The following SLC45A4 variants were observed in gnomAD, a reference collection of about 807,000 sequenced individuals.
SLC45A4 encodes the protein polyamine-transporter SLC45A4.
In SLC45A4, 32 loss-of-function variants were observed where a neutral mutation model predicts 63.7. That is an observed-to-expected ratio of 0.50 (90% CI 0.38 to 0.67). The LOEUF (loss-of-function observed/expected upper bound fraction) is 0.67, where lower values mean the gene tolerates loss of function less well. Ranked by LOEUF, SLC45A4 falls within the 30% of genes least tolerant of loss-of-function variation. SLC45A4 has a pLI of 0.00. For missense variants in SLC45A4, 1,027 were observed against 1,157.7 expected, an observed-to-expected ratio of 0.89 and a Z score of 1.64; for synonymous variants, 535 against 510.0, an observed-to-expected ratio of 1.05 and a Z score of -0.66.
At chr8:141,263,031 G>C (rs1829101044) in intron 1 of SLC45A4, among the ~76,000 whole-genome samples, 1 of 151,758 alleles carries the variant, frequency 6.6e-6, no homozygotes, top group Admixed American at 6.6e-5. Flanking sequence ...ATACTATGCA[G>C]CCATAAAAAA....
At position 141,215,286 on chromosome 8, in the gene SLC45A4, T is replaced by C. The variant is rs566517503; in HGVS notation, c.1941+473A>G. 3.3e-5 allele frequency among the ~76,000 whole-genome samples: 5 copies of C among 152,328 alleles called. No homozygotes were observed. Among genetic ancestry groups the C allele is most frequent in the African/African-American group, 9.6e-5 (4 of 41,574 alleles). On this transcript the variant is annotated intron_variant, in intron 7 of 8. Coordinates refer to ENST00000517878, the MANE Select transcript of SLC45A4 (RefSeq NM_001286646.2). This position sits in a 1 kb window ranked among gnomAD's most constrained non-coding sequence, Gnocchi z 4.3. Reference sequence around the variant, plus strand: ...AGGTATCTCGATGACTTTTTTCATATAGAGTACATGCTGAAATAATGTTTT... The same window carrying C: ...AGGTATCTCGATGACTTTTTTCATACAGAGTACATGCTGAAATAATGTTTT...
At position 141,211,552 on chromosome 8, in the gene SLC45A4, A is replaced by G; in HGVS notation, c.*20T>C. 6.2e-7 allele frequency: 1 copy of G among 1,613,426 alleles called. No individual in the cohort carries two copies. Among genetic ancestry groups the G allele is most frequent in the South Asian group, 1.1e-5 (1 of 91,042 alleles). On this transcript the variant is annotated 3_prime_UTR_variant, in exon 9 of 9. Transcript: ENST00000517878. ...CACAATGTGTCCAACTCGCTGAGGA[A>G]AAGAAGATACGTCATTCTTCTAAGA...
intron 2 of SLC45A4, among the ~76,000 whole-genome samples, chr8:141,246,565 C>G (rs1334292187): frequency 6.6e-6 from 1 of 152,296 alleles, no homozygotes; most frequent in Admixed American, 6.5e-5. Flanking sequence ...GCGACATCCC[C>G]TCGATGCTGC....
In SLC45A4 at chr8:141,301,734, C is replaced by CAAAAAAAAAAAAAAA. The variant is rs564016568; in HGVS notation, c.-401+6347_-401+6361dup. On this transcript the variant is annotated intron_variant, in intron 1 of 8. Coordinates refer to ENST00000517878, the MANE Select transcript of SLC45A4 (RefSeq NM_001286646.2). ...TGGGGGACAGAATGAGACCCTATCT[C>CAAAAAAAAAAAAAAA]AAAAAAAAAAAAAAAAAAAAAAAAA... Among the ~76,000 whole-genome samples, 247 of 39,574 alleles carry CAAAAAAAAAAAAAAA rather than the reference C, an allele frequency of 6.2e-3. 18 individuals carry two copies. Among genetic ancestry groups the CAAAAAAAAAAAAAAA allele is most frequent in the Non-Finnish European group, 9.4e-3 (187 of 19,942 alleles). 26.0% of individuals were successfully genotyped at this position (39,574 alleles called of 152,430 possible).
At chr8:141,258,430 G>C (rs1442507238) in intron 1 of SLC45A4, among the ~76,000 whole-genome samples, 4 of 152,240 alleles carry the variant, frequency 2.6e-5, no homozygotes, top group Non-Finnish European at 4.4e-5. Flanking sequence ...TTTGCAAAGA[G>C]CAGGTTGCAT....
chr8:141,293,493 T>G lies in SLC45A4; in HGVS notation c.-401+14603A>C, dbSNP rs543895607. 2.4e-4 allele frequency among the ~76,000 whole-genome samples: 36 copies of G among 152,158 alleles called. No individual in the cohort carries two copies. The South Asian group carries it at 7.3e-3, about 31-fold the overall frequency. On this transcript the variant is annotated intron_variant, in intron 1 of 8. Coordinates refer to ENST00000517878, the MANE Select transcript of SLC45A4 (RefSeq NM_001286646.2). Reference sequence around the variant, plus strand: ...AAAATAAAATGCACGGCAATGGCACTGTACAAAGTGCAGGGTGGAATCCGC... The same window carrying G: ...AAAATAAAATGCACGGCAATGGCACGGTACAAAGTGCAGGGTGGAATCCGC...
chr8:141,232,372 T>C (rs1456340028), intron 2 of SLC45A4, among the ~76,000 whole-genome samples: 2 of 152,236 alleles, frequency 1.3e-5, no homozygotes, highest in Non-Finnish European at 2.9e-5. Context: ...AGATGGGAAA[T>C]CCAGCTGCCA....
At position 141,254,745 on chromosome 8, in the gene SLC45A4, C is replaced by T. The variant is rs1186128319; in HGVS notation, c.-400-116G>A. The T allele has an allele frequency of 1.5e-6, 1 of 681,634 alleles. No homozygotes were observed. The highest frequency in any genetic ancestry group is 1.5e-5 in the South Asian group (1 of 66,534). 42.2% of individuals were successfully genotyped at this position (681,634 alleles called of 1,614,324 possible). The stretch of plus-strand genomic sequence containing the variant: ...GTGCCCCGAGGGCCCGACCCAAGAT[C>T]ACACAGCTCTCTGCCACTCACTCTG... On this transcript the variant is annotated intron_variant, in intron 1 of 8. Coordinates refer to ENST00000517878, the MANE Select transcript of SLC45A4 (RefSeq NM_001286646.2). The surrounding 1 kb of genome is among the most constrained non-coding windows in gnomAD (Gnocchi z 4.5).
intron 2 of SLC45A4, 104 bp downstream of exon 2, chr8:141,253,885 C>T: frequency 1.4e-6 from 2 of 1,466,378 alleles, no homozygotes; most frequent in South Asian, 2.7e-5. Flanking sequence ...GTGCCCGGGG[C>T]TCTCCAGGAC....
At chr8:141,240,824 C>T (rs1374521462) in intron 2 of SLC45A4, among the ~76,000 whole-genome samples, 2 of 152,266 alleles carry the variant, frequency 1.3e-5, no homozygotes, top group Admixed American at 6.5e-5. Flanking sequence ...ACACGCATCA[C>T]CTGCCGTGCT....
chr8:141,238,274 T>G (rs1393816752), intron 2 of SLC45A4, among the ~76,000 whole-genome samples: 1 of 152,252 alleles, frequency 6.6e-6, no homozygotes, highest in Non-Finnish European at 1.5e-5. Flanking sequence ...ATTTTTAGCT[T>G]TGTAAAGTCG....
intron 1 of SLC45A4, among the ~76,000 whole-genome samples, chr8:141,258,060 CTTTTTT>C (rs3072057): frequency 4.1e-5 from 5 of 123,326 alleles, no homozygotes; most frequent in African/African-American, 6.3e-5. Context: ...TTTCTTCTTC[CTTTTTT>C]TTTTTTTTTT....
rs2304280 is a variant in SLC45A4, at chr8:141,219,735, G to A, written c.525C>T (p.Thr175=). The A allele has an allele frequency of 0.12, 189,559 of 1,606,056 alleles. 12,115 individuals carry two copies. The highest frequency in any genetic ancestry group is 0.27 in the East Asian group (11,790 of 44,304). The change falls in exon 4 of 9, where the codon ACC becomes ACT. Residue 175 remains threonine, a synonymous_variant. Transcript: ENST00000517878. Reference sequence around the variant, plus strand: ...GCAGATAGGCACGGATGGGCCCCTCGGTGGCATCGGCGCTGAAGTCCAGGA... The same window carrying A: ...GCAGATAGGCACGGATGGGCCCCTCAGTGGCATCGGCGCTGAAGTCCAGGA... ...VVVLDFSADA[T]EGPIRAYLLD...
intron 1 of SLC45A4, among the ~76,000 whole-genome samples, chr8:141,283,825 G>A (rs1351819535): frequency 2.0e-5 from 3 of 152,156 alleles, no homozygotes; most frequent in African/African-American, 7.2e-5. Flanking sequence ...ATGATGGCTG[G>A]ACATTTGAAA....
intron 1 of SLC45A4, among the ~76,000 whole-genome samples, chr8:141,295,691 G>A (rs934283025): frequency 7.2e-5 from 11 of 152,298 alleles, no homozygotes; most frequent in Non-Finnish European, 1.6e-4. Context: ...GAGGCCCCTC[G>A]ATTGACCACT....
At chr8:141,220,348 C>T (rs555403871) in intron 3 of SLC45A4, among the ~76,000 whole-genome samples, 21 of 152,280 alleles carry the variant, frequency 1.4e-4, no homozygotes, top group African/African-American at 4.6e-4. Flanking sequence ...AGGGGCTTTG[C>T]ACACAAGTTC....
chr8:141,215,879 C>T lies in SLC45A4; in HGVS notation c.1821G>A (p.Val607=). Residue 607 remains valine (V), a synonymous_variant, in exon 7 of 9, where the codon GTG becomes GTA. Coordinates refer to ENST00000517878, the MANE Select transcript of SLC45A4 (RefSeq NM_001286646.2). This position sits in a 1 kb window ranked among gnomAD's most constrained non-coding sequence, Gnocchi z 4.3. ...GTLGFSVGTA[V]MAMFPNVYVA... ...CGTAGACGTTGGGAAACATGGCCAT[C>T]ACGGCTGTGCCGACAGAGAAGCCCA... 1 of 1,614,154 alleles carries T rather than the reference C, an allele frequency of 6.2e-7. No individual in the cohort carries two copies. The highest frequency in any genetic ancestry group is 8.5e-7 in the Non-Finnish European group (1 of 1,180,032).
Position 141,302,416 on chromosome 8 carries a change from C to A in SLC45A4, c.-401+5680G>T, listed in dbSNP as rs78751312. Among the ~76,000 whole-genome samples the A allele has an allele frequency of 2.0e-5, 3 of 151,042 alleles. No homozygotes were observed. The East Asian group carries it at 5.9e-4, about 30-fold the overall frequency. The stretch of plus-strand genomic sequence containing the variant: ...GCTGCCCTCCCTCCCCCCGACCCCA[C>A]CCCTGCCCCCAGGTTCAAGCCATTC... On this transcript the variant is annotated intron_variant, in intron 1 of 8. Coordinates refer to ENST00000517878, the MANE Select transcript of SLC45A4 (RefSeq NM_001286646.2).
At chr8:141,264,869 A>G (rs1321686252) in intron 1 of SLC45A4, among the ~76,000 whole-genome samples, 1 of 152,208 alleles carries the variant, frequency 6.6e-6, no homozygotes, top group Non-Finnish European at 1.5e-5. Context: ...GTCAGCTATA[A>G]TTTACATGCA....
Sources: allele counts gnomAD v4.1 joint callset (sites outside exome capture counted in the v4.1 genomes callset), GRCh38; gene constraint gnomAD v4.1.1; non-coding constraint Gnocchi (gnomAD v3.1); transcripts MANE v1.5; gene names NCBI Gene and HGNC (gene_info 2026-07-23, HGNC 2026-07-21).